FRY: variants seen among roughly 807,000 people sequenced by gnomAD.
FRY encodes the protein protein furry homolog.
FRY carries 128 observed loss-of-function variants against 348.4 expected under a neutral mutation model. That is an observed-to-expected ratio of 0.37 (90% CI 0.32 to 0.43). FRY has a LOEUF of 0.43. Among genes scored for constraint, FRY ranks in the 20% least tolerant of loss-of-function variants. The pLI is 1.00. For synonymous variants in FRY, 1,370 were observed against 1,374.7 expected, an observed-to-expected ratio of 1.00 and a Z score of 0.08; for missense variants, 2,736 against 3,695.2, an observed-to-expected ratio of 0.74 and a Z score of 6.73.
At position 32,173,388 on chromosome 13, in the gene FRY, C is replaced by A. The variant is rs748712621; in HGVS notation, c.2173C>A (p.His725Asn). 56 of 1,611,932 alleles carry A rather than the reference C, an allele frequency of 3.5e-5. 7 individuals are homozygous for A. The South Asian group carries it at 5.5e-4, about 16-fold the overall frequency. ...ACAGCTCATCGCAAATGGCTCCAGT[C>A]ACAGAATTCAGTCGGAACGAGGTCC... Reference protein sequence around the residue: ...NSELIANGSSHRIQSERGPHC... With the variant: ...NSELIANGSSNRIQSERGPHC... The change falls in exon 19 of 61, where the codon CAC becomes AAC. Residue 725 changes from histidine to asparagine, a missense_variant. Physicochemically the swap from His to Asn is moderately conservative, Grantham distance 68. Coordinates refer to ENST00000542859, the MANE Select transcript of FRY (RefSeq NM_023037.3).
chr13:32,063,872 T>A (rs1306771866), intron 1 of FRY, among the ~76,000 whole-genome samples: 2 of 152,174 alleles, frequency 1.3e-5, no homozygotes, highest in Non-Finnish European at 2.9e-5. Context: ...TTCTGGTAGT[T>A]CTGATGCGAG....
chr13:32,145,285 C>CG (rs1173359666), intron 11 of FRY, among the ~76,000 whole-genome samples: 1 of 152,090 alleles, frequency 6.6e-6, no homozygotes, highest in Non-Finnish European at 1.5e-5. Flanking sequence ...AGATAGACAT[C>CG]GGGGCAGGGA....
chr13:32,254,458 T>G, intron 51 of FRY, 64 bp downstream of exon 51: 1 of 1,352,742 alleles, frequency 7.4e-7, no homozygotes, highest in African/African-American at 1.5e-5. Context: ...AAACTATTCT[T>G]TTTACCTGCT....
At chr13:32,032,642 A>T in intron 1 of FRY, among the ~76,000 whole-genome samples, 1 of 152,192 alleles carries the variant, frequency 6.6e-6, no homozygotes, top group Non-Finnish European at 1.5e-5. Context: ...GACAACCTCT[A>T]AGCTGCCGTG....
intron 53 of FRY, 45 bp from the exon 54 acceptor site, chr13:32,265,404 GT>G (rs775007793): frequency 6.9e-6 from 11 of 1,593,318 alleles, no homozygotes; most frequent in Middle Eastern, 1.7e-4. Context: ...TGTCCTGTAT[GT>G]TTTCTTACAC....
At chr13:32,206,177 G>T (rs1397213048) in intron 31 of FRY, among the ~76,000 whole-genome samples, 2 of 152,120 alleles carry the variant, frequency 1.3e-5, no homozygotes, top group Non-Finnish European at 2.9e-5. Context: ...CACGGGCATG[G>T]ATGAGATCAG....
intron 2 of FRY, among the ~76,000 whole-genome samples, chr13:32,082,863 A>G (rs1875589703): frequency 1.3e-5 from 2 of 151,852 alleles, no homozygotes; most frequent in African/African-American, 2.4e-5. Flanking sequence ...GTTTACTTTT[A>G]TAGTTTTTTT....
Position 32,299,011 on chromosome 13 carries a change from T to G in FRY, c.*3551T>G, listed in dbSNP as rs1380806500. 1 of 152,228 alleles carries G rather than the reference T, an allele frequency of 6.6e-6. No individual in the cohort carries two copies. Among genetic ancestry groups the G allele is most frequent in the Non-Finnish European group, 1.5e-5 (1 of 68,032 alleles). The allele number at this position is 152,228 out of a possible 1,614,324, so 9.4% of individuals were successfully genotyped here. A position where few individuals can be genotyped will look rare whatever the true frequency, so the allele number is the denominator to read the frequency against. ...AAAAGCTCTATAACAAAAGTTCCGT[T>G]GTGGTGGTTATACAGCATTGTGAAT... On this transcript the variant is annotated 3_prime_UTR_variant, in exon 61 of 61. Coordinates refer to ENST00000542859, the MANE Select transcript of FRY (RefSeq NM_023037.3).
intron 1 of FRY, among the ~76,000 whole-genome samples, chr13:32,061,677 A>G (rs1474456008): frequency 6.6e-6 from 1 of 152,232 alleles, no homozygotes; most frequent in Non-Finnish European, 1.5e-5. Context: ...TTCAACATGT[A>G]AAAGATAAAA....
intron 6 of FRY, 51 bp from the exon 7 acceptor site, chr13:32,124,743 CT>C: frequency 6.5e-7 from 1 of 1,534,720 alleles, no homozygotes; most frequent in South Asian, 1.1e-5. Flanking sequence ...CAGTGGTTTG[CT>C]TTTTTCCGAT....
intron 30 of FRY, 129 bp from the exon 31 acceptor site, chr13:32,202,227 C>A: frequency 1.2e-6 from 1 of 851,344 alleles, no homozygotes; most frequent in Non-Finnish European, 2.0e-6. Flanking sequence ...TGATGTTTTA[C>A]CTTTAATTCT....
Position 32,185,028 on chromosome 13 carries a change from G to T in FRY, c.3199G>T (p.Glu1067Ter). Residue 1067 changes from glutamate to a stop codon, truncating the protein, a stop_gained, in exon 26 of 61, where the codon GAA becomes TAA. Coordinates refer to ENST00000542859, the MANE Select transcript of FRY (RefSeq NM_023037.3). LOFTEE classifies it high-confidence loss of function. ...DTLALGALFL[E>*]YVDLTRMLLE... ...TTTAGCCCTGGGAGCTTTGTTCTTA[G>T]AATATGTGGACTTGACCCGCATGCT... The T allele has an allele frequency of 6.2e-7, 1 of 1,613,942 alleles. No individual in the cohort carries two copies. Among genetic ancestry groups the T allele is most frequent in the Non-Finnish European group, 8.5e-7 (1 of 1,179,830 alleles).
At chr13:32,265,727 G>A (rs1309458558) in intron 54 of FRY, 111 bp downstream of exon 54, 2 of 1,079,540 alleles carry the variant, frequency 1.9e-6, no homozygotes, top group Non-Finnish European at 1.4e-6. Context: ...CCTAATAAAG[G>A]ACTCCAAAGT....
At chr13:32,283,652 T>G (rs1224341421) in intron 58 of FRY, among the ~76,000 whole-genome samples, 1 of 152,320 alleles carries the variant, frequency 6.6e-6, no homozygotes, top group South Asian at 2.1e-4. Context: ...AAGTATATTT[T>G]GGGGCTCTTT....
At chr13:32,201,072 C>A (rs964832395) in intron 29 of FRY, among the ~76,000 whole-genome samples, 13 of 152,228 alleles carry the variant, frequency 8.5e-5, no homozygotes, top group Admixed American at 3.9e-4. Context: ...AGTCCATAGG[C>A]TGGTCATCTT....
intron 29 of FRY, among the ~76,000 whole-genome samples, chr13:32,196,036 T>G (rs546420436): frequency 1.3e-5 from 2 of 152,202 alleles, no homozygotes; most frequent in Non-Finnish European, 2.9e-5. Context: ...GCTTGAGCAG[T>G]CATTGTGCTT....
intron 1 of FRY, among the ~76,000 whole-genome samples, chr13:32,069,479 A>G (rs1468613377): frequency 6.6e-6 from 1 of 152,242 alleles, no homozygotes; most frequent in East Asian, 1.9e-4. Context: ...GTAAGGGGAC[A>G]GTCTTCAACA....
chr13:32,147,430 T>A (rs1880525407), intron 12 of FRY, 45 bp downstream of exon 12: 3 of 1,031,014 alleles, frequency 2.9e-6, no homozygotes, highest in Non-Finnish European at 4.6e-6. Context: ...ACTCAGCCAC[T>A]GCAGAGGGTG....
At position 32,179,691 on chromosome 13, in the gene FRY, C is replaced by T. The variant is rs1450644920; in HGVS notation, c.2888C>T (p.Ser963Leu). Residue 963 changes from serine to leucine, a missense_variant, in exon 23 of 61, where the codon TCG becomes TTG. Coordinates refer to ENST00000542859, the MANE Select transcript of FRY (RefSeq NM_023037.3). ...TTATTTCAGGCCATAGGCACCCCATCGGTGGGAGTTCTGTTAAAGCAGTTG... is the reference window on the plus strand; with the variant it reads ...TTATTTCAGGCCATAGGCACCCCATTGGTGGGAGTTCTGTTAAAGCAGTTG... Reference protein sequence around the residue: ...SYDNKAIGTPSVGVLLKQLVP... With the variant: ...SYDNKAIGTPLVGVLLKQLVP... The T allele has an allele frequency of 5.0e-6, 8 of 1,613,860 alleles. No individual in the cohort carries two copies. The highest frequency in any genetic ancestry group is 1.1e-5 in the South Asian group (1 of 91,086).
Sources: allele counts gnomAD v4.1 joint callset (sites outside exome capture counted in the v4.1 genomes callset), GRCh38; gene constraint gnomAD v4.1.1; transcripts MANE v1.5; gene names NCBI Gene and HGNC (gene_info 2026-07-23, HGNC 2026-07-21).